The following PGPEP1L variants were observed in gnomAD, a reference collection of about 807,000 sequenced individuals.
PGPEP1L encodes pyroglutamyl-peptidase 1-like protein.
Under a neutral mutation model 6.0 loss-of-function variants are expected in PGPEP1L, and 7 were observed. The observed-to-expected ratio is 1.17, with a 90% CI of 0.66 to 2.19. The LOEUF (loss-of-function observed/expected upper bound fraction) is 2.19. Among genes scored for constraint, PGPEP1L ranks in the 30% most tolerant of loss-of-function variants. The pLI is 0.00. For synonymous variants in PGPEP1L, 103 were observed against 83.9 expected (o/e 1.23, Z -1.24); for missense variants, 209 against 192.5 (o/e 1.09, Z -0.51).
chr15:98,997,606 T>C (rs1284330586), intron 2 of PGPEP1L, among the ~76,000 whole-genome samples: 3 of 152,232 alleles, frequency 2.0e-5, no homozygotes, highest in Non-Finnish European at 4.4e-5. Flanking sequence ...ATGTTGTTTA[T>C]GACAACAGAC....
intron 2 of PGPEP1L, among the ~76,000 whole-genome samples, chr15:98,993,558 G>A (rs1371412417): frequency 6.9e-6 from 1 of 145,902 alleles, no homozygotes; most frequent in Non-Finnish European, 1.5e-5. Context: ...TCTAGAACTA[G>A]AAATACACAG....
At chr15:98,983,392 T>C (rs1357268261) in intron 2 of PGPEP1L, among the ~76,000 whole-genome samples, 6 of 152,206 alleles carry the variant, frequency 3.9e-5, no homozygotes, top group Non-Finnish European at 5.9e-5. Context: ...GAAATTATTC[T>C]GCATGTCAAG....
chr15:98,975,183 A>C (rs1379860856), intron 2 of PGPEP1L, among the ~76,000 whole-genome samples: 2 of 152,244 alleles, frequency 1.3e-5, no homozygotes, highest in Non-Finnish European at 2.9e-5. Flanking sequence ...ACATGGATAG[A>C]ACTGGAGGTC....
intron 2 of PGPEP1L, among the ~76,000 whole-genome samples, chr15:98,981,546 C>G (rs1030201413): frequency 6.6e-6 from 1 of 151,042 alleles, no homozygotes; most frequent in Non-Finnish European, 1.5e-5. Flanking sequence ...CTAGGTAAGT[C>G]TGAGAAATGG....
chr15:98,992,294 A>T (rs1458289886), intron 2 of PGPEP1L, among the ~76,000 whole-genome samples: 1 of 152,202 alleles, frequency 6.6e-6, no homozygotes, highest in Non-Finnish European at 1.5e-5. Flanking sequence ...AAGCATTCCT[A>T]TACACCAATA....
At chr15:98,968,817 G>A in intron 4 of PGPEP1L, 120 bp from the exon 5 acceptor site, 2 of 890,576 alleles carry the variant, frequency 2.2e-6, no homozygotes, top group Non-Finnish European at 3.5e-6. Flanking sequence ...CCACCCAAGG[G>A]AGACTTGTGT....
At chr15:98,994,007 C>T (rs913597168) in intron 2 of PGPEP1L, among the ~76,000 whole-genome samples, 5 of 152,162 alleles carry the variant, frequency 3.3e-5, no homozygotes, top group Non-Finnish European at 5.9e-5. Flanking sequence ...GTGACTCATG[C>T]CTGTAATCCC....
chr15:98,972,622 A>C (rs2017514195), intron 2 of PGPEP1L, among the ~76,000 whole-genome samples: 2 of 152,034 alleles, frequency 1.3e-5, no homozygotes, highest in Non-Finnish European at 2.9e-5. Context: ...TAATCGCAGC[A>C]CTTTGGGACA....
rs564340697 is a variant in PGPEP1L at position 98,975,179 on chromosome 15, A to C, written c.-141-4021T>G. ...AATCCTGTCATTTGTAGCAACATGG[A>C]TAGAACTGGAGGTCATTATGTTAAG... On this transcript the variant is annotated intron_variant, in intron 2 of 4. Transcript: ENST00000535714. 4.6e-5 allele frequency among the ~76,000 whole-genome samples: 7 copies of C among 152,362 alleles called. No individual in the cohort carries two copies. In the South Asian group the frequency reaches 8.3e-4, roughly 18 times the overall value.
Position 98,969,661 on chromosome 15 carries a change from CG to C in PGPEP1L, c.-18-11del, listed in dbSNP as rs1567233606. 3.7e-6 allele frequency: 6 copies of C among 1,608,090 alleles called. No individual in the cohort carries two copies. The highest frequency in any genetic ancestry group is 1.1e-5 in the South Asian group (1 of 91,044). ...CCACATGCACGACGAGCTGTGTGAA[CG>C]GGTAACAGCAGAGAGAACCCAGGAA... On this transcript the variant is annotated splice_polypyrimidine_tract_variant and intron_variant, in intron 3 of 4. Coordinates refer to ENST00000535714, the MANE Select transcript of PGPEP1L (RefSeq NM_001167902.2).
At chr15:98,971,525 T>C (rs2017497666) in intron 2 of PGPEP1L, among the ~76,000 whole-genome samples, 1 of 151,572 alleles carries the variant, frequency 6.6e-6, no homozygotes, top group Non-Finnish European at 1.5e-5. Flanking sequence ...AAATCCAAAG[T>C]GTGAAGGAAA....
chr15:98,982,830 C>A (rs1325269718), intron 2 of PGPEP1L, among the ~76,000 whole-genome samples: 2 of 149,216 alleles, frequency 1.3e-5, no homozygotes, highest in African/African-American at 2.4e-5. Context: ...CATCCCTTAG[C>A]CTCCTGAGTA....
chr15:98,983,939 A>T (rs867508648), intron 2 of PGPEP1L, among the ~76,000 whole-genome samples: 1 of 152,040 alleles, frequency 6.6e-6, no homozygotes, highest in South Asian at 2.1e-4. Flanking sequence ...GTAAAATTGA[A>T]CATTTTTTTC....
chr15:98,997,596 ATGT>A (rs557696343), intron 2 of PGPEP1L, among the ~76,000 whole-genome samples: 80 of 152,288 alleles, frequency 5.3e-4, no homozygotes, highest in African/African-American at 1.8e-3. Flanking sequence ...ACAAATAAAC[ATGT>A]TGTTTATGAC....
At chr15:99,004,907 G>A (rs1212128069) in intron 2 of PGPEP1L, among the ~76,000 whole-genome samples, 2 of 151,522 alleles carry the variant, frequency 1.3e-5, no homozygotes, top group African/African-American at 2.4e-5. Flanking sequence ...TGGCTCTCGG[G>A]GGGTGCTTCA....
At position 99,005,622 on chromosome 15, in the gene PGPEP1L, G is replaced by T. The variant is rs2593057; in HGVS notation, c.-335C>A. ...GCCCAACCCCTCCTGGCCGCCCGGCGTCCGTAGCGTTCTGGGCCCCGAAAG... is the reference window on the plus strand; with the variant it reads ...GCCCAACCCCTCCTGGCCGCCCGGCTTCCGTAGCGTTCTGGGCCCCGAAAG... On this transcript the variant is annotated 5_prime_UTR_variant, in exon 2 of 5. Coordinates refer to ENST00000535714, the MANE Select transcript of PGPEP1L (RefSeq NM_001167902.2). 103,371 of 152,206 alleles carry T rather than the reference G, an allele frequency of 0.68. 36,022 individuals carry two copies. The highest frequency in any genetic ancestry group is 0.77 in the Non-Finnish European group (52,294 of 68,054). The allele number at this position is 152,206 out of a possible 1,614,324, so 9.4% of individuals were successfully genotyped here.
Position 98,976,472 on chromosome 15 carries a change from C to T in PGPEP1L, c.-141-5314G>A, listed in dbSNP as rs146499959. ...AATCACAATCTAAAAGTCATTTTCT[C>T]ATATCACAACAATAAAATCTGAAGC... On this transcript the variant is annotated intron_variant, in intron 2 of 4. Coordinates refer to ENST00000535714, the MANE Select transcript of PGPEP1L (RefSeq NM_001167902.2). 1.6e-3 allele frequency among the ~76,000 whole-genome samples: 238 copies of T among 152,288 alleles called. 2 individuals are homozygous for T. The highest frequency in any genetic ancestry group is 5.2e-3 in the African/African-American group (218 of 41,566).
intron 2 of PGPEP1L, among the ~76,000 whole-genome samples, chr15:98,990,497 C>G (rs2017804718): frequency 6.6e-6 from 1 of 152,116 alleles, no homozygotes; most frequent in Non-Finnish European, 1.5e-5. Flanking sequence ...GACTTGGACT[C>G]CCACACAATA....
intron 2 of PGPEP1L, among the ~76,000 whole-genome samples, chr15:99,000,688 G>A (rs1311585723): frequency 6.6e-6 from 1 of 152,082 alleles, no homozygotes; most frequent in African/African-American, 2.4e-5. Flanking sequence ...ATCTAGTGGG[G>A]AACTTTTGTG....
Sources: allele counts gnomAD v4.1 joint callset (sites outside exome capture counted in the v4.1 genomes callset), GRCh38; gene constraint gnomAD v4.1.1; transcripts MANE v1.5; gene names NCBI Gene and HGNC (gene_info 2026-07-23, HGNC 2026-07-21).